The following TNR variants were observed in gnomAD, a reference collection of about 807,000 sequenced individuals.
TNR encodes the protein tenascin R.
TNR carries 45 observed loss-of-function variants against 150.4 expected under a neutral mutation model. The observed-to-expected ratio is 0.30, with a 90% confidence interval of 0.24 to 0.38. TNR has a LOEUF of 0.38. Ranked by LOEUF, TNR falls within the 10% of genes least tolerant of loss-of-function variation. The probability of loss-of-function intolerance (pLI) is 1.00; values close to 1 mark genes in which losing one functional copy is unlikely to be tolerated. For missense variants in TNR, 1,544 were observed against 1,759.1 expected (o/e 0.88, Z 2.19); for synonymous variants, 687 against 678.4 (o/e 1.01, Z -0.20).
At chr1:175,491,928 G>A (rs1360612741) in intron 2 of TNR, among the ~76,000 whole-genome samples, 3 of 152,090 alleles carry the variant, frequency 2.0e-5, no homozygotes, top group Non-Finnish European at 4.4e-5. Flanking sequence ...GGATTACAGC[G>A]TGAGCCACCA....
chr1:175,521,623 C>T (rs936527764), intron 2 of TNR, among the ~76,000 whole-genome samples: 1 of 152,142 alleles, frequency 6.6e-6, no homozygotes, highest in Admixed American at 6.5e-5. Flanking sequence ...TCTGTTTTCT[C>T]TTCTCTTTCA....
intron 1 of TNR, among the ~76,000 whole-genome samples, chr1:175,644,021 A>T (rs1038064738): frequency 6.6e-6 from 1 of 152,252 alleles, no homozygotes; most frequent in Non-Finnish European, 1.5e-5. Flanking sequence ...ATAAATTGTG[A>T]TCATGATTTT....
At position 175,406,666 on chromosome 1, in the gene TNR, T is replaced by C. The variant is rs859398; in HGVS notation, c.49A>G (p.Ile17Val). Residue 17 changes from isoleucine (I) to valine (V), a missense_variant, in exon 3 of 23, where the codon ATC (isoleucine) becomes GTC (valine). Physicochemically the swap from Ile to Val is conservative, Grantham distance 29. Around this residue, in one of 2 missense-constraint regions of TNR, gnomAD observed 1,254 missense variants for 1,329.4 expected, o/e 0.94. Coordinates refer to ENST00000367674, the MANE Select transcript of TNR (RefSeq NM_003285.3). ...TVVLKNMLIG[I>V]NLILLGSMIK... ...ATGGAGCCCAGAAGGATCAGGTTGATGCCAATGAGCATGTTCTTCAGAACC... is the reference window on the plus strand; with the variant it reads ...ATGGAGCCCAGAAGGATCAGGTTGACGCCAATGAGCATGTTCTTCAGAACC... 1,055,010 of 1,613,944 alleles carry C rather than the reference T, an allele frequency of 0.65. 347,440 individuals are homozygous for C. Among genetic ancestry groups the C allele is most frequent in the East Asian group, 0.83 (37,374 of 44,868 alleles).
At chr1:175,740,734 T>C (rs546605876) in intron 1 of TNR, among the ~76,000 whole-genome samples, 2 of 152,218 alleles carry the variant, frequency 1.3e-5, no homozygotes, top group Non-Finnish European at 2.9e-5. Context: ...AGTGGTTCTA[T>C]AGGTGGTCAG....
chr1:175,579,729 G>A (rs1251105002), intron 1 of TNR, among the ~76,000 whole-genome samples: 1 of 151,654 alleles, frequency 6.6e-6, no homozygotes, highest in East Asian at 1.9e-4. Context: ...AGAGGCCAGG[G>A]CAGGGGTTCC....
chr1:175,507,859 C>A (rs859380), intron 2 of TNR, among the ~76,000 whole-genome samples: 91,669 of 152,144 alleles, frequency 0.6, 27,742 homozygotes, highest in African/African-American at 0.65. Context: ...GCATCTAGCA[C>A]ATCAGTGATG....
intron 1 of TNR, among the ~76,000 whole-genome samples, chr1:175,637,579 C>A (rs756700597): frequency 6.6e-5 from 10 of 152,142 alleles, no homozygotes; most frequent in South Asian, 2.1e-4. Context: ...TAATCCACAG[C>A]CTGATTAATC....
At chr1:175,582,852 C>A (rs764874356) in intron 1 of TNR, among the ~76,000 whole-genome samples, 2 of 151,958 alleles carry the variant, frequency 1.3e-5, no homozygotes, top group Non-Finnish European at 2.9e-5. Context: ...TGGATTAATG[C>A]CACTATCATG....
intron 1 of TNR, among the ~76,000 whole-genome samples, chr1:175,669,555 T>C (rs1665632028): frequency 6.6e-6 from 1 of 152,234 alleles, no homozygotes; most frequent in South Asian, 2.1e-4. Context: ...TCACAGGGCA[T>C]GCAATTACCC....
intron 2 of TNR, among the ~76,000 whole-genome samples, chr1:175,503,392 A>G (rs1254317646): frequency 1.3e-5 from 2 of 152,236 alleles, no homozygotes; most frequent in African/African-American, 4.8e-5. Context: ...AGAGTGTTAT[A>G]TTATCATATA....
At chr1:175,462,471 G>C (rs181865723) in intron 2 of TNR, among the ~76,000 whole-genome samples, 7 of 152,300 alleles carry the variant, frequency 4.6e-5, no homozygotes, top group Admixed American at 3.9e-4. Context: ...AGATAAAGAT[G>C]TGCCCGTCCA....
At chr1:175,528,201 G>T (rs1659925522) in intron 2 of TNR, 68 bp downstream of exon 2, 2 of 152,194 alleles carry the variant, frequency 1.3e-5, no homozygotes, top group African/African-American at 4.8e-5. Context: ...CTGGGAATAT[G>T]CAGTTACATA....
At chr1:175,510,215 C>G (rs777646345) in intron 2 of TNR, among the ~76,000 whole-genome samples, 1 of 152,110 alleles carries the variant, frequency 6.6e-6, no homozygotes, top group African/African-American at 2.4e-5. Flanking sequence ...GATGACAGAG[C>G]AAGACCCTGT....
At chr1:175,576,056 C>T (rs891665025) in intron 1 of TNR, among the ~76,000 whole-genome samples, 14 of 152,176 alleles carry the variant, frequency 9.2e-5, no homozygotes, top group African/African-American at 2.7e-4. Flanking sequence ...GGTAATAACC[C>T]GTCACCAGAG....
chr1:175,396,862 C>A (rs2102039805), intron 4 of TNR, 55 bp from the exon 5 acceptor site: 1 of 1,569,668 alleles, frequency 6.4e-7, no homozygotes, highest in East Asian at 2.3e-5. Flanking sequence ...CTTCCCCATC[C>A]TGGACTCAAC....
At chr1:175,504,481 G>C (rs1042095407) in intron 2 of TNR, among the ~76,000 whole-genome samples, 1 of 152,098 alleles carries the variant, frequency 6.6e-6, no homozygotes, top group Non-Finnish European at 1.5e-5. Context: ...TCTAAACTCC[G>C]TCCTTCACCC....
chr1:175,594,212 GGGCCTGTA>G (rs1384006916), intron 1 of TNR, among the ~76,000 whole-genome samples: 85 of 151,514 alleles, frequency 5.6e-4, no homozygotes, highest in South Asian at 1.7e-3. Flanking sequence ...TGTTATTCTG[GGGCCTGTA>G]GGAATTATGC....
At chr1:175,533,833 T>G (rs1444345363) in intron 1 of TNR, among the ~76,000 whole-genome samples, 1 of 152,172 alleles carries the variant, frequency 6.6e-6, no homozygotes, top group Non-Finnish European at 1.5e-5. Flanking sequence ...GGAGCTTTGT[T>G]GGTGATCTTT....
At chr1:175,669,447 A>G (rs549408492) in intron 1 of TNR, among the ~76,000 whole-genome samples, 11 of 152,328 alleles carry the variant, frequency 7.2e-5, no homozygotes, top group Admixed American at 5.9e-4. Context: ...GCAGTGGTCA[A>G]CACTGTAGAG....
Sources: gnomAD v4.1 joint callset for allele counts (sites outside exome capture counted in the v4.1 genomes callset) on GRCh38, gnomAD v4.1.1 for gene constraint, gnomAD v4.1.1 regional missense constraint, MANE v1.5 for transcripts, NCBI Gene and HGNC (gene_info 2026-07-23, HGNC 2026-07-21) for gene names.